Variants in PCNX1 observed in about 807,000 individuals in gnomAD.
The protein encoded by PCNX1 is pecanex-like protein 1.
A neutral mutation model predicts 242.2 loss-of-function variants in PCNX1; 78 were observed. The ratio of observed to expected loss-of-function variants is 0.32; its 90% CI spans 0.27 to 0.39. The LOEUF is 0.39. Ranked by LOEUF, PCNX1 falls within the 10% of genes least tolerant of loss-of-function variation. The pLI, the probability that PCNX1 is intolerant of heterozygous loss-of-function variation, is 1.00. For synonymous variants in PCNX1, 1,024 were observed against 1,032.9 expected, an observed-to-expected ratio of 0.99 and a Z score of 0.17; for missense variants, 2,581 against 2,856.5, an observed-to-expected ratio of 0.90 and a Z score of 2.20.
Position 71,024,585 on chromosome 14 carries a change from A to G in PCNX1, c.3183+1353A>G, listed in dbSNP as rs74481512. ...TTGATAAGGCCGTGCTTTTTAAAGTAGGAATACTGCAAAAGTGCATCATAT... is the reference window on the plus strand; with the variant it reads ...TTGATAAGGCCGTGCTTTTTAAAGTGGGAATACTGCAAAAGTGCATCATAT... On this transcript the variant is annotated intron_variant, in intron 13 of 35. Coordinates refer to ENST00000304743, the MANE Select transcript of PCNX1 (RefSeq NM_014982.3). Among the ~76,000 whole-genome samples, 1,368 of 152,266 alleles carry G rather than the reference A, an allele frequency of 9.0e-3. 10 individuals carry two copies. The highest frequency in any genetic ancestry group is 0.012 in the Non-Finnish European group (843 of 68,026).
intron 1 of PCNX1, among the ~76,000 whole-genome samples, chr14:70,933,669 G>A (rs1015573420): frequency 2.0e-5 from 3 of 152,152 alleles, no homozygotes; most frequent in African/African-American, 7.2e-5. Context: ...CAGCCAAACT[G>A]CTCTCTAATG....
At chr14:70,940,902 C>G (rs2057212556) in intron 1 of PCNX1, among the ~76,000 whole-genome samples, 3 of 152,178 alleles carry the variant, frequency 2.0e-5, no homozygotes, top group Non-Finnish European at 2.9e-5. Context: ...ACCCTTTCTT[C>G]CACTTGATCG....
intron 2 of PCNX1, 53 bp downstream of exon 2, chr14:70,947,176 G>T (rs2057490806): frequency 8.0e-7 from 1 of 1,256,434 alleles, no homozygotes; most frequent in African/African-American, 1.5e-5. Context: ...TGTGTTATCT[G>T]TATAATGATG....
chr14:71,038,477 C>T (rs1446208493), intron 19 of PCNX1, among the ~76,000 whole-genome samples: 1 of 151,628 alleles, frequency 6.6e-6, no homozygotes, highest in East Asian at 1.9e-4. Context: ...TGAAAAAATG[C>T]TCACCATCAC....
chr14:70,923,286 C>T (rs1332443631), intron 1 of PCNX1, among the ~76,000 whole-genome samples: 1 of 152,024 alleles, frequency 6.6e-6, no homozygotes, highest in Non-Finnish European at 1.5e-5. Flanking sequence ...CAGTTTTCTC[C>T]ATGCTATAAA....
intron 28 of PCNX1, among the ~76,000 whole-genome samples, chr14:71,080,845 T>C (rs2061836426): frequency 6.6e-6 from 1 of 152,198 alleles, no homozygotes; most frequent in Admixed American, 6.5e-5. Flanking sequence ...CTCTTCCTAT[T>C]TAAATACCCT....
intron 22 of PCNX1, among the ~76,000 whole-genome samples, chr14:71,048,199 G>T (rs1319656704): frequency 6.6e-6 from 1 of 152,040 alleles, no homozygotes; most frequent in African/African-American, 2.4e-5. Flanking sequence ...AGAAGATAAA[G>T]TTACATAAAA....
At chr14:71,047,138 T>G in intron 21 of PCNX1, 33 bp downstream of exon 21, 1 of 1,275,550 alleles carries the variant, frequency 7.8e-7, no homozygotes, top group Non-Finnish European at 1.1e-6. Flanking sequence ...ATTGTCTGAC[T>G]ACTGGGGGCT....
intron 1 of PCNX1, among the ~76,000 whole-genome samples, chr14:70,931,325 C>CA (rs1448420538): frequency 6.6e-6 from 1 of 152,062 alleles, no homozygotes; most frequent in Non-Finnish European, 1.5e-5. Flanking sequence ...AAGAGCTTTA[C>CA]AAAAAAATGG....
intron 12 of PCNX1, among the ~76,000 whole-genome samples, chr14:71,021,789 T>A (rs2060108911): frequency 6.6e-6 from 1 of 152,198 alleles, no homozygotes; most frequent in Non-Finnish European, 1.5e-5. Context: ...ACCACCCTCA[T>A]GTTTCTTTCA....
At chr14:71,097,055 T>C (rs2062307661) in intron 30 of PCNX1, among the ~76,000 whole-genome samples, 1 of 152,160 alleles carries the variant, frequency 6.6e-6, no homozygotes, top group African/African-American at 2.4e-5. Context: ...AGGCAATTCC[T>C]AGAAGAGAGG....
chr14:70,985,599 A>T (rs4366661), intron 6 of PCNX1, among the ~76,000 whole-genome samples: 82,811 of 152,092 alleles, frequency 0.54, 23,647 homozygotes, highest in East Asian at 0.73. Flanking sequence ...TTTGTACGTT[A>T]GAAAAAATAC....
At chr14:70,957,355 G>C (rs963771391) in intron 2 of PCNX1, among the ~76,000 whole-genome samples, 9 of 152,164 alleles carry the variant, frequency 5.9e-5, no homozygotes, top group African/African-American at 2.2e-4. Flanking sequence ...TATCAAAAGT[G>C]ATGTATAAAA....
intron 1 of PCNX1, among the ~76,000 whole-genome samples, chr14:70,912,258 A>T (rs978763650): frequency 6.6e-6 from 1 of 152,068 alleles, no homozygotes; most frequent in East Asian, 1.9e-4. Flanking sequence ...AAAAAGAAAA[A>T]AAAGAACGTT....
At chr14:70,943,915 A>T (rs752746949) in intron 1 of PCNX1, among the ~76,000 whole-genome samples, 3 of 152,208 alleles carry the variant, frequency 2.0e-5, no homozygotes, top group Non-Finnish European at 4.4e-5. Context: ...TTGGTGCCTT[A>T]CATGTGGTGT....
chr14:71,079,566 G>A (rs962576095), intron 28 of PCNX1, among the ~76,000 whole-genome samples: 4 of 151,978 alleles, frequency 2.6e-5, no homozygotes, highest in Non-Finnish European at 2.9e-5. Flanking sequence ...TTTAATGATC[G>A]CCATTCTAAC....
At chr14:71,046,680 C>A (rs1202898569) in intron 20 of PCNX1, among the ~76,000 whole-genome samples, 1 of 152,000 alleles carries the variant, frequency 6.6e-6, no homozygotes, top group South Asian at 2.1e-4. Flanking sequence ...CTTCAGTAAT[C>A]TTTTTTCAAT....
At chr14:70,968,809 T>G (rs975798057) in intron 4 of PCNX1, among the ~76,000 whole-genome samples, 1 of 152,234 alleles carries the variant, frequency 6.6e-6, no homozygotes, top group East Asian at 1.9e-4. Context: ...ATTGTTTGGT[T>G]TGTAGTTCTG....
intron 30 of PCNX1, among the ~76,000 whole-genome samples, chr14:71,101,007 TA>T (rs2062448054): frequency 1.3e-5 from 2 of 152,190 alleles, no homozygotes; most frequent in Non-Finnish European, 2.9e-5. Context: ...TAGAACATTT[TA>T]CATTATGAAG....
Sources: allele counts gnomAD v4.1 joint callset (sites outside exome capture counted in the v4.1 genomes callset), GRCh38; gene constraint gnomAD v4.1.1; transcripts MANE v1.5; gene names NCBI Gene and HGNC (gene_info 2026-07-23, HGNC 2026-07-21).